Variants in HACD3 observed in about 807,000 individuals in gnomAD.
HACD3 encodes the protein very-long-chain (3R)-3-hydroxyacyl-CoA dehydratase 3.
HACD3 carries 30 observed loss-of-function variants against 55.2 expected under a neutral mutation model. The ratio of observed to expected loss-of-function variants is 0.54; its 90% CI spans 0.41 to 0.74. The LOEUF (loss-of-function observed/expected upper bound fraction) is 0.74, where lower values mean the gene tolerates loss of function less well. HACD3 is among the 30% of genes least tolerant of loss of function. HACD3 has a pLI of 0.00. For missense variants in HACD3, 363 were observed against 440.1 expected (o/e 0.82, Z 1.57); for synonymous variants, 141 against 151.7 (o/e 0.93, Z 0.52).
At chr15:65,544,156 G>A (rs1309750557) in intron 1 of HACD3, among the ~76,000 whole-genome samples, 2 of 152,046 alleles carry the variant, frequency 1.3e-5, no homozygotes, top group African/African-American at 4.8e-5. Flanking sequence ...CAGCCTGGGT[G>A]ACAGAGCGGG....
At chr15:65,548,181 C>T (rs764343340) in intron 1 of HACD3, among the ~76,000 whole-genome samples, 1 of 152,138 alleles carries the variant, frequency 6.6e-6, no homozygotes, top group Non-Finnish European at 1.5e-5. Context: ...TTAATCCTTA[C>T]AGCAGACCTG....
intron 1 of HACD3, 97 bp from the exon 2 acceptor site, chr15:65,551,579 C>T (rs2072133415): frequency 7.3e-7 from 1 of 1,371,140 alleles, no homozygotes; most frequent in African/African-American, 1.4e-5. Flanking sequence ...GAGTTTGAGT[C>T]CTTATGGGAG....
At chr15:65,543,131 G>T (rs1406815880) in intron 1 of HACD3, among the ~76,000 whole-genome samples, 1 of 149,620 alleles carries the variant, frequency 6.7e-6, no homozygotes, top group Non-Finnish European at 1.5e-5. Context: ...AGAACCAAAA[G>T]GACCTAACTG....
intron 5 of HACD3, among the ~76,000 whole-genome samples, chr15:65,560,941 T>TA: frequency 6.6e-6 from 1 of 152,320 alleles, no homozygotes. Context: ...CACCTGGTAT[T>TA]ACAGTTTTTA....
In HACD3 at chr15:65,577,276, AT is replaced by A. The variant is rs1414550617; in HGVS notation, c.*899del. 1 of 152,178 alleles carries A rather than the reference AT, an allele frequency of 6.6e-6. No individual in the cohort carries two copies. The highest frequency in any genetic ancestry group is 1.5e-5 in the Non-Finnish European group (1 of 68,070). The allele number at this position is 152,178 out of a possible 1,614,324, so 9.4% of individuals were successfully genotyped here. On this transcript the variant is annotated 3_prime_UTR_variant, in exon 11 of 11. Coordinates refer to ENST00000261875, the MANE Select transcript of HACD3 (RefSeq NM_016395.4). The stretch of plus-strand genomic sequence containing the variant: ...CCCTATCTCTACAAAAAATAAAAAA[AT>A]TAGCTGGGTGTGATGGCACACACCT...
At chr15:65,536,613 T>C (rs1859832118) in intron 1 of HACD3, among the ~76,000 whole-genome samples, 2 of 151,998 alleles carry the variant, frequency 1.3e-5, no homozygotes, top group Non-Finnish European at 1.5e-5. Flanking sequence ...AAAAATTAGC[T>C]AGGTGTGGTG....
intron 1 of HACD3, among the ~76,000 whole-genome samples, chr15:65,542,576 A>G (rs1359660384): frequency 6.6e-6 from 1 of 152,136 alleles, no homozygotes; most frequent in African/African-American, 2.4e-5. Context: ...AAATAAGAAT[A>G]TCTAAATATA....
At chr15:65,567,527 A>C (rs2072304001) in intron 7 of HACD3, among the ~76,000 whole-genome samples, 2 of 152,208 alleles carry the variant, frequency 1.3e-5, no homozygotes. Context: ...ATACATTTCC[A>C]ATCACAATCT....
At chr15:65,561,124 C>CA (rs777355775) in intron 5 of HACD3, among the ~76,000 whole-genome samples, 2 of 152,072 alleles carry the variant, frequency 1.3e-5, no homozygotes, top group African/African-American at 2.4e-5. Flanking sequence ...AGTTTGACCT[C>CA]AGTGACCTTA....
chr15:65,558,662 C>T lies in HACD3; in HGVS notation c.370-18C>T, dbSNP rs199756499. On this transcript the variant is annotated intron_variant, in intron 4 of 10. Transcript: ENST00000261875. Reference sequence around the variant, plus strand: ...AATTCTAACTTGTGTTCTTGGAAAACTTTTGTCTAAATTCTAGGAAGAAGA... The same window carrying T: ...AATTCTAACTTGTGTTCTTGGAAAATTTTTGTCTAAATTCTAGGAAGAAGA... The T allele has an allele frequency of 9.2e-5, 145 of 1,583,970 alleles. 1 individual carries two copies. In the African/African-American group the frequency reaches 1.7e-3, roughly 18 times the overall value.
At chr15:65,546,101 T>C (rs1411320507) in intron 1 of HACD3, among the ~76,000 whole-genome samples, 1 of 152,234 alleles carries the variant, frequency 6.6e-6, no homozygotes, top group African/African-American at 2.4e-5. Flanking sequence ...ATGAGCTAAG[T>C]GAGCGACCCG....
intron 7 of HACD3, among the ~76,000 whole-genome samples, chr15:65,567,807 C>T (rs754635205): frequency 2.0e-5 from 3 of 152,056 alleles, no homozygotes; most frequent in Non-Finnish European, 2.9e-5. Flanking sequence ...AAGTCAAATA[C>T]TAGATGATTC....
intron 7 of HACD3, among the ~76,000 whole-genome samples, chr15:65,569,708 G>T (rs193186877): frequency 6.6e-6 from 1 of 151,896 alleles, no homozygotes; most frequent in Admixed American, 6.6e-5. Context: ...ACCCCGTCTC[G>T]ATAAAAAAGA....
In HACD3 at chr15:65,551,730, A is replaced by G. The variant is rs769008335; in HGVS notation, c.130+12A>G. The stretch of plus-strand genomic sequence containing the variant: ...GCTGCATTTCAAAGGTCAGTATCCC[A>G]GCAAATGCTCCCATCTCTATACACA... On this transcript the variant is annotated intron_variant, in intron 2 of 10. Transcript: ENST00000261875. 1 of 1,613,774 alleles carries G rather than the reference A, an allele frequency of 6.2e-7. No homozygotes were observed. Among genetic ancestry groups the G allele is most frequent in the Non-Finnish European group, 8.5e-7 (1 of 1,179,656 alleles).
intron 5 of HACD3, among the ~76,000 whole-genome samples, 185 bp downstream of exon 5, chr15:65,558,916 A>G (rs2072219828): frequency 6.6e-6 from 1 of 152,164 alleles, no homozygotes; most frequent in African/African-American, 2.4e-5. Flanking sequence ...CCTTACCTTT[A>G]ATGTGTCCTT....
In HACD3 at chr15:65,530,667, G is replaced by A; in HGVS notation, c.36G>A (p.Trp12Ter). ...AGGTGTTGACGCCGCATGTCTACTGGGCTCAGCGACACCGCGAGCTATATC... is the reference window on the plus strand; with the variant it reads ...AGGTGTTGACGCCGCATGTCTACTGAGCTCAGCGACACCGCGAGCTATATC... ...ENQVLTPHVY[W>*]AQRHRELYLR... Residue 12 changes from tryptophan to a stop codon, truncating the protein, a stop_gained, in exon 1 of 11, where the codon TGG (tryptophan) becomes TGA (stop). Coordinates refer to ENST00000261875, the MANE Select transcript of HACD3 (RefSeq NM_016395.4). LOFTEE classifies it high-confidence loss of function. 1 of 1,582,922 alleles carries A rather than the reference G, an allele frequency of 6.3e-7. No homozygotes were observed. The highest frequency in any genetic ancestry group is 8.6e-7 in the Non-Finnish European group (1 of 1,165,614).
chr15:65,532,556 C>T (rs1003763689), intron 1 of HACD3, among the ~76,000 whole-genome samples: 12 of 150,696 alleles, frequency 8.0e-5, no homozygotes, highest in Admixed American at 3.3e-4. Flanking sequence ...TGCTTGAACC[C>T]GGGAGGCGGA....
At chr15:65,567,973 A>T (rs113431121) in intron 7 of HACD3, among the ~76,000 whole-genome samples, 9,398 of 149,648 alleles carry the variant, frequency 0.063, 307 homozygotes, top group African/African-American at 0.091. Flanking sequence ...CCCAAGCTGG[A>T]GTGCAGTGGC....
In HACD3 at chr15:65,538,422, A is replaced by C. The variant is rs370959070; in HGVS notation, c.87+7704A>C. On this transcript the variant is annotated intron_variant, in intron 1 of 10. Transcript: ENST00000261875. ...AACTGCAGGTGTGGTAGAAATAGCA[A>C]GAGAACTAGACTTAGAAGTGGAGCC... Among the ~76,000 whole-genome samples the C allele has an allele frequency of 5.3e-5, 8 of 152,340 alleles. No individual in the cohort carries two copies. The East Asian group carries it at 1.4e-3, about 26-fold the overall frequency.
Sources: allele counts gnomAD v4.1 joint callset (sites outside exome capture counted in the v4.1 genomes callset), GRCh38; gene constraint gnomAD v4.1.1; transcripts MANE v1.5; gene names NCBI Gene and HGNC (gene_info 2026-07-23, HGNC 2026-07-21).